Variants in RSRC1 observed in about 807,000 individuals in gnomAD.
RSRC1 encodes the protein arginine and serine rich coiled-coil 1.
In RSRC1, 39 loss-of-function variants were observed where a neutral mutation model predicts 49.1. The observed-to-expected ratio is 0.79, with a 90% CI of 0.61 to 1.04. The LOEUF (loss-of-function observed/expected upper bound fraction) is 1.04, where lower values mean the gene tolerates loss of function less well. RSRC1 is among the 50% of genes least tolerant of loss of function. The probability of loss-of-function intolerance (pLI) is 0.00; values close to 1 mark genes in which losing one functional copy is unlikely to be tolerated. For missense variants in RSRC1, 388 were observed against 402.4 expected (o/e 0.96, Z 0.31); for synonymous variants, 143 against 130.8 (o/e 1.09, Z -0.63).
intron 4 of RSRC1, among the ~76,000 whole-genome samples, chr3:158,292,303 A>G (rs140854285): frequency 6.6e-6 from 1 of 152,210 alleles, no homozygotes; most frequent in Non-Finnish European, 1.5e-5. Context: ...CTAATGCAGA[A>G]CATCAATCAT....
intron 6 of RSRC1, among the ~76,000 whole-genome samples, chr3:158,362,851 G>T (rs567891499): frequency 6.6e-6 from 1 of 152,108 alleles, no homozygotes; most frequent in Non-Finnish European, 1.5e-5. Flanking sequence ...TTTTCCAAAA[G>T]ATATTTTTTA....
At chr3:158,318,163 C>T (rs1728572730) in intron 5 of RSRC1, among the ~76,000 whole-genome samples, 1 of 152,082 alleles carries the variant, frequency 6.6e-6, no homozygotes, top group Non-Finnish European at 1.5e-5. Flanking sequence ...AAAAAATTGA[C>T]AACCCCTGCC....
chr3:158,306,717 G>A (rs1325757406), intron 5 of RSRC1, among the ~76,000 whole-genome samples: 1 of 151,746 alleles, frequency 6.6e-6, no homozygotes, highest in Non-Finnish European at 1.5e-5. Flanking sequence ...TTACAGACTA[G>A]TATTTTTAAA....
At chr3:158,460,865 C>T in intron 6 of RSRC1, 70 bp from the exon 7 acceptor site, 1 of 1,012,762 alleles carries the variant, frequency 9.9e-7, no homozygotes, top group Non-Finnish European at 1.4e-6. Context: ...TTTCTAGTCC[C>T]TTTAACCAAT....
intron 3 of RSRC1, among the ~76,000 whole-genome samples, chr3:158,170,624 C>T (rs1254557540): frequency 6.6e-6 from 1 of 152,098 alleles, no homozygotes; most frequent in Non-Finnish European, 1.5e-5. Flanking sequence ...TTTTTATTTC[C>T]TCTTTGCTGT....
intron 6 of RSRC1, among the ~76,000 whole-genome samples, chr3:158,433,356 T>A (rs1456511843): frequency 1.3e-5 from 2 of 152,028 alleles, no homozygotes; most frequent in African/African-American, 4.8e-5. Flanking sequence ...GAGTCATTTT[T>A]ATTTTTCCAA....
Position 158,516,059 on chromosome 3 carries a change from T to C in RSRC1, c.653-21033T>C, listed in dbSNP as rs143591366. Among the ~76,000 whole-genome samples, 784 of 152,278 alleles carry C rather than the reference T, an allele frequency of 5.1e-3. 2 individuals carry two copies. Among genetic ancestry groups the C allele is most frequent in the African/African-American group, 0.018 (735 of 41,538 alleles). On this transcript the variant is annotated intron_variant, in intron 7 of 9. Transcript: ENST00000611884. ...TTTGGTTTGAATGTCCTCCGTAGCT[T>C]GGAGTAATTTGATCATCTGAAGCCT...
chr3:158,282,285 T>G (rs1726226567), intron 4 of RSRC1, among the ~76,000 whole-genome samples: 1 of 152,246 alleles, frequency 6.6e-6, no homozygotes, highest in Non-Finnish European at 1.5e-5. Context: ...AGATTTAATA[T>G]TCTGTCTATT....
chr3:158,359,657 T>C (rs1391122445), intron 6 of RSRC1, among the ~76,000 whole-genome samples: 1 of 152,154 alleles, frequency 6.6e-6, no homozygotes, highest in Non-Finnish European at 1.5e-5. Context: ...GGAGCCACAG[T>C]CCTGGTTCTA....
At chr3:158,521,064 G>T (rs935013736) in intron 7 of RSRC1, among the ~76,000 whole-genome samples, 37 of 152,054 alleles carry the variant, frequency 2.4e-4, no homozygotes, top group African/African-American at 8.7e-4. Flanking sequence ...CAAATTTTGA[G>T]ACATAACAGA....
rs562499354 is a variant in RSRC1 at position 158,413,440 on chromosome 3, A to G, written c.584-47495A>G. ...GGACATAGGCATGGGCAAAGATTTTATGACAAAAATGTCAAAAGCAATTGC... is the reference window on the plus strand; with the variant it reads ...GGACATAGGCATGGGCAAAGATTTTGTGACAAAAATGTCAAAAGCAATTGC... On this transcript the variant is annotated intron_variant, in intron 6 of 9. Coordinates refer to ENST00000611884, the MANE Select transcript of RSRC1 (RefSeq NM_001271838.2). Among the ~76,000 whole-genome samples, 12 of 152,356 alleles carry G rather than the reference A, an allele frequency of 7.9e-5. No individual in the cohort carries two copies. The East Asian group carries it at 2.1e-3, about 27-fold the overall frequency.
chr3:158,325,729 T>C (rs187442433), intron 5 of RSRC1, among the ~76,000 whole-genome samples: 2 of 152,342 alleles, frequency 1.3e-5, no homozygotes, highest in South Asian at 2.1e-4. Context: ...TTTGGTTCCA[T>C]ATGAACTTTA....
chr3:158,396,910 G>T (rs563834141), intron 6 of RSRC1, among the ~76,000 whole-genome samples: 1 of 152,184 alleles, frequency 6.6e-6, no homozygotes, highest in South Asian at 2.1e-4. Context: ...TTCACTCCAT[G>T]AAGAGATACC....
In RSRC1 at chr3:158,334,640, C is replaced by T. The variant is rs1026173547; in HGVS notation, c.532-20217C>T. 2.7e-5 allele frequency among the ~76,000 whole-genome samples: 3 copies of T among 113,198 alleles called. No individual in the cohort carries two copies. The East Asian group carries it at 7.1e-4, about 27-fold the overall frequency. The allele number at this position is 113,198 out of a possible 152,430, so 74.3% of individuals were successfully genotyped here. A position where few individuals can be genotyped will look rare whatever the true frequency, so the allele number is the denominator to read the frequency against. Reference sequence around the variant, plus strand: ...GGATTATAGGCACATGACACCACACCCAGCTAATTTGTGTGTGTGTGTGTG... The same window carrying T: ...GGATTATAGGCACATGACACCACACTCAGCTAATTTGTGTGTGTGTGTGTG... On this transcript the variant is annotated intron_variant, in intron 5 of 9. Coordinates refer to ENST00000611884, the MANE Select transcript of RSRC1 (RefSeq NM_001271838.2).
chr3:158,212,112 C>T (rs1005161567), intron 4 of RSRC1, among the ~76,000 whole-genome samples: 3 of 151,716 alleles, frequency 2.0e-5, no homozygotes, highest in African/African-American at 2.4e-5. Flanking sequence ...TGTAATGTTA[C>T]GATTACAAAT....
chr3:158,423,799 G>C (rs955603343), intron 6 of RSRC1, among the ~76,000 whole-genome samples: 9 of 151,872 alleles, frequency 5.9e-5, no homozygotes, highest in African/African-American at 2.2e-4. Flanking sequence ...CACATCCCTT[G>C]TAAGTTGGAT....
chr3:158,195,190 CT>C (rs1720509528), intron 3 of RSRC1, among the ~76,000 whole-genome samples: 1 of 152,172 alleles, frequency 6.6e-6, no homozygotes, highest in African/African-American at 2.4e-5. Context: ...GATCGCCATT[CT>C]AATGGGTGTG....
chr3:158,416,869 T>C (rs1240106737), intron 6 of RSRC1, among the ~76,000 whole-genome samples: 1 of 152,044 alleles, frequency 6.6e-6, no homozygotes, highest in African/African-American at 2.4e-5. Context: ...CCAATTAGTA[T>C]TTTCTGCATA....
At chr3:158,501,999 A>G (rs536605971) in intron 7 of RSRC1, among the ~76,000 whole-genome samples, 15 of 151,986 alleles carry the variant, frequency 9.9e-5, no homozygotes, top group Non-Finnish European at 1.9e-4. Flanking sequence ...TTTTGTTTTG[A>G]TGTATTTCCA....
Sources: gnomAD v4.1 joint callset for allele counts (sites outside exome capture counted in the v4.1 genomes callset) on GRCh38, gnomAD v4.1.1 for gene constraint, MANE v1.5 for transcripts, NCBI Gene and HGNC (gene_info 2026-07-23, HGNC 2026-07-21) for gene names.